Variants in RBFOX1 observed in about 807,000 individuals in gnomAD.
RBFOX1 encodes RNA binding protein fox-1 homolog 1.
A neutral mutation model predicts 57.7 loss-of-function variants in RBFOX1; 8 were observed. The observed-to-expected ratio is 0.14, with a 90% CI of 0.08 to 0.25. The LOEUF (loss-of-function observed/expected upper bound fraction) is 0.25. Ranked by LOEUF, RBFOX1 falls within the 10% of genes least tolerant of loss-of-function variation. The pLI, the probability that RBFOX1 is intolerant of heterozygous loss-of-function variation, is 1.00. For synonymous variants in RBFOX1, 326 were observed against 222.4 expected (o/e 1.47, Z -4.15); for missense variants, 611 against 548.5 (o/e 1.11, Z -1.14).
intron 1 of RBFOX1, among the ~76,000 whole-genome samples, chr16:5,383,289 G>T (rs1278108845): frequency 6.6e-6 from 1 of 152,162 alleles, no homozygotes. Context: ...GTGGGGAAAA[G>T]GTGGGCTGTG....
intron 4 of RBFOX1, among the ~76,000 whole-genome samples, chr16:5,978,378 T>A (rs80309645): frequency 0.076 from 11,539 of 152,036 alleles, 629 homozygotes; most frequent in East Asian, 0.2. Flanking sequence ...TAATTTTGGA[T>A]TTGCAGAAAT....
intron 1 of RBFOX1, among the ~76,000 whole-genome samples, chr16:6,115,660 A>T (rs74004770): frequency 0.019 from 2,848 of 152,244 alleles, 81 homozygotes; most frequent in African/African-American, 0.062. Context: ...TTCTAGAAAG[A>T]CCCAGGATTT....
At chr16:5,619,841 C>T (rs2048151279) in intron 3 of RBFOX1, among the ~76,000 whole-genome samples, 1 of 152,094 alleles carries the variant, frequency 6.6e-6, no homozygotes, top group Non-Finnish European at 1.5e-5. Context: ...GGGCAGGTCC[C>T]CTGGGGACAT....
At chr16:6,810,864 C>T (rs937317971) in intron 3 of RBFOX1, among the ~76,000 whole-genome samples, 1 of 152,090 alleles carries the variant, frequency 6.6e-6, no homozygotes, top group African/African-American at 2.4e-5. Flanking sequence ...CACAAGCCTC[C>T]CTCAACATGT....
chr16:7,601,409 T>C (rs559397135), intron 9 of RBFOX1, among the ~76,000 whole-genome samples: 4 of 152,332 alleles, frequency 2.6e-5, no homozygotes, highest in Admixed American at 2.0e-4. Context: ...TGATTACACA[T>C]AGTTTCAATA....
intron 3 of RBFOX1, among the ~76,000 whole-genome samples, chr16:6,776,581 G>A (rs367661815): frequency 1.3e-5 from 2 of 152,144 alleles, no homozygotes; most frequent in African/African-American, 4.8e-5. Context: ...TTTGTTGGAT[G>A]ATTTGGACAT....
chr16:6,082,026 C>G (rs1303513337), intron 1 of RBFOX1, among the ~76,000 whole-genome samples: 1 of 152,140 alleles, frequency 6.6e-6, no homozygotes, highest in South Asian at 2.1e-4. Context: ...TGAATATGAG[C>G]TTCAACTGTT....
At chr16:5,890,325 C>T (rs193274607) in intron 4 of RBFOX1, among the ~76,000 whole-genome samples, 6 of 152,300 alleles carry the variant, frequency 3.9e-5, no homozygotes, top group African/African-American at 4.8e-5. Flanking sequence ...CTCCCCACCA[C>T]GTAGTGAAGC....
chr16:6,855,856 T>TGTTTGCC (rs1555533200), intron 3 of RBFOX1, among the ~76,000 whole-genome samples: 1 of 144,608 alleles, frequency 6.9e-6, no homozygotes, highest in East Asian at 2.3e-4. Context: ...TTTCCCTCCC[T>TGTTTGCC]TCCTTTCTTC....
chr16:6,886,094 G>T (rs923921806), intron 3 of RBFOX1, among the ~76,000 whole-genome samples: 1 of 143,286 alleles, frequency 7.0e-6, no homozygotes, highest in Non-Finnish European at 1.5e-5. Flanking sequence ...ACGGAGTCTC[G>T]CTCTGTCACC....
intron 4 of RBFOX1, among the ~76,000 whole-genome samples, chr16:7,156,430 C>T (rs185119055): frequency 1.3e-5 from 2 of 151,854 alleles, no homozygotes; most frequent in East Asian, 3.9e-4. Flanking sequence ...GTTGTACATA[C>T]ACATGTAGAT....
chr16:5,246,886 G>A (rs977401061), intron 1 of RBFOX1, among the ~76,000 whole-genome samples: 1 of 152,054 alleles, frequency 6.6e-6, no homozygotes, highest in Non-Finnish European at 1.5e-5. Flanking sequence ...ATGCAGGCTG[G>A]TCCTGAACTC....
At chr16:6,590,519 T>A (rs1428787749) in intron 2 of RBFOX1, among the ~76,000 whole-genome samples, 1 of 152,036 alleles carries the variant, frequency 6.6e-6, no homozygotes, top group African/African-American at 2.4e-5. Flanking sequence ...CTTTCGGGAG[T>A]AAATTCAATG....
At chr16:5,880,591 A>T (rs1315818254) in intron 4 of RBFOX1, among the ~76,000 whole-genome samples, 2 of 152,192 alleles carry the variant, frequency 1.3e-5, no homozygotes, top group Non-Finnish European at 2.9e-5. Flanking sequence ...GAGGCTAAAG[A>T]CCTGCTAGAG....
At chr16:6,053,626 C>T (rs2095579592) in intron 1 of RBFOX1, among the ~76,000 whole-genome samples, 1 of 152,128 alleles carries the variant, frequency 6.6e-6, no homozygotes, top group Non-Finnish European at 1.5e-5. Context: ...TCATAATCAC[C>T]ACTATTCCAG....
At chr16:6,565,805 G>GA (rs940286536) in intron 2 of RBFOX1, among the ~76,000 whole-genome samples, 4 of 152,112 alleles carry the variant, frequency 2.6e-5, no homozygotes, top group African/African-American at 9.7e-5. Flanking sequence ...CTCACCTGAT[G>GA]AAAAAAAGAG....
At chr16:7,656,722 A>G (rs1354493175) in intron 12 of RBFOX1, among the ~76,000 whole-genome samples, 2 of 152,228 alleles carry the variant, frequency 1.3e-5, no homozygotes, top group Middle Eastern at 3.4e-3. Flanking sequence ...GAAGAGACAA[A>G]TGGCACCTTG....
intron 3 of RBFOX1, among the ~76,000 whole-genome samples, chr16:5,756,872 C>T (rs950776497): frequency 2.6e-5 from 4 of 152,028 alleles, no homozygotes; most frequent in African/African-American, 9.7e-5. Flanking sequence ...AGAAACTGGG[C>T]TAAGCACGTT....
At chr16:5,975,785 A>G (rs1041752833) in intron 4 of RBFOX1, among the ~76,000 whole-genome samples, 1 of 152,214 alleles carries the variant, frequency 6.6e-6, no homozygotes, top group Non-Finnish European at 1.5e-5. Flanking sequence ...GCAGTTGTAT[A>G]ATTCAATGAG....
Sources: allele counts gnomAD v4.1 joint callset (sites outside exome capture counted in the v4.1 genomes callset), GRCh38; gene constraint gnomAD v4.1.1; transcripts MANE v1.5; gene names NCBI Gene and HGNC (gene_info 2026-07-23, HGNC 2026-07-21).